Variants in KIAA1958 observed in about 807,000 individuals in gnomAD.
KIAA1958 encodes the protein uncharacterized protein KIAA1958.
Under a neutral mutation model 47.2 loss-of-function variants are expected in KIAA1958, and 14 were observed. The ratio of observed to expected loss-of-function variants is 0.30; its 90% CI spans 0.20 to 0.46. KIAA1958 has a LOEUF of 0.46. Among genes scored for constraint, KIAA1958 ranks in the 20% least tolerant of loss-of-function variants. KIAA1958 has a pLI of 1.00. For synonymous variants in KIAA1958, 354 were observed against 353.3 expected (o/e 1.00, Z -0.02); for missense variants, 803 against 909.2 (o/e 0.88, Z 1.50).
intron 1 of KIAA1958, among the ~76,000 whole-genome samples, chr9:112,507,107 A>AGG (rs1229874426): frequency 6.0e-5 from 9 of 150,396 alleles, no homozygotes; most frequent in Non-Finnish European, 1.0e-4. Context: ...GGTAGAGGGA[A>AGG]GGAGGCCATA....
intron 1 of KIAA1958, among the ~76,000 whole-genome samples, chr9:112,541,052 A>T: frequency 6.6e-6 from 1 of 151,794 alleles, no homozygotes; most frequent in East Asian, 1.9e-4. Context: ...ATTAATTTTG[A>T]TGTGGTTTCT....
chr9:112,494,856 TCTTATTGTACATC>T (rs1158297579), intron 1 of KIAA1958, among the ~76,000 whole-genome samples: 18 of 152,252 alleles, frequency 1.2e-4, no homozygotes, highest in Non-Finnish European at 1.3e-4. Flanking sequence ...CTTTGTCATT[TCTTATTGTACATC>T]CTCTTGTTAT....
At chr9:112,520,990 C>G (rs1260751590) in intron 1 of KIAA1958, among the ~76,000 whole-genome samples, 1 of 151,852 alleles carries the variant, frequency 6.6e-6, no homozygotes, top group Non-Finnish European at 1.5e-5. Flanking sequence ...TTTTCTATTT[C>G]TTTAATTTCT....
chr9:112,589,992 C>T (rs1218445244), intron 2 of KIAA1958, among the ~76,000 whole-genome samples: 1 of 152,154 alleles, frequency 6.6e-6, no homozygotes, highest in African/African-American at 2.4e-5. Context: ...CCAGTTGTCC[C>T]TGAGCCCGGA....
At position 112,660,711 on chromosome 9, in the gene KIAA1958, C is replaced by G. The variant is rs1837263505; in HGVS notation, c.*642C>G. On this transcript the variant is annotated 3_prime_UTR_variant, in exon 4 of 4. Coordinates refer to ENST00000337530, the MANE Select transcript of KIAA1958 (RefSeq NM_133465.4). Reference sequence around the variant, plus strand: ...GCGGTAGGAACCCCATCTCGGCTGTCAATGGAGAGAATTTTATGATAAAAG... The same window carrying G: ...GCGGTAGGAACCCCATCTCGGCTGTGAATGGAGAGAATTTTATGATAAAAG... 6.6e-6 allele frequency: 1 copy of G among 152,460 alleles called. No homozygotes were observed. Among genetic ancestry groups the G allele is most frequent in the Non-Finnish European group, 1.5e-5 (1 of 68,300 alleles). 9.4% of individuals were successfully genotyped at this position (152,460 alleles called of 1,614,324 possible).
chr9:112,611,047 A>C (rs1003046655), intron 2 of KIAA1958, among the ~76,000 whole-genome samples: 1 of 152,214 alleles, frequency 6.6e-6, no homozygotes, highest in Admixed American at 6.5e-5. Flanking sequence ...CCTTATTAAA[A>C]TATGAATAGG....
intron 1 of KIAA1958, among the ~76,000 whole-genome samples, chr9:112,505,609 T>G (rs1834220736): frequency 6.6e-6 from 1 of 152,252 alleles, no homozygotes. Context: ...ATTTTAAAAC[T>G]AATAACTTTA....
At chr9:112,572,535 A>G (rs556307272) in intron 1 of KIAA1958, among the ~76,000 whole-genome samples, 1 of 152,224 alleles carries the variant, frequency 6.6e-6, no homozygotes, top group Non-Finnish European at 1.5e-5. Context: ...AGCAAAGGCA[A>G]ATCCCTTGAG....
chr9:112,497,400 A>G (rs1834064246), intron 1 of KIAA1958, among the ~76,000 whole-genome samples: 1 of 152,170 alleles, frequency 6.6e-6, no homozygotes, highest in African/African-American at 2.4e-5. Flanking sequence ...ATAGGGGAAA[A>G]AACTCTGTGA....
intron 2 of KIAA1958, among the ~76,000 whole-genome samples, chr9:112,583,798 A>G (rs1374672739): frequency 6.6e-6 from 1 of 152,182 alleles, no homozygotes; most frequent in Non-Finnish European, 1.5e-5. Flanking sequence ...CTGGAAGGAG[A>G]CACCCCAGAT....
intron 1 of KIAA1958, among the ~76,000 whole-genome samples, chr9:112,519,637 T>C (rs1162197690): frequency 6.6e-6 from 1 of 152,128 alleles, no homozygotes; most frequent in African/African-American, 2.4e-5. Context: ...AACTAATAAT[T>C]ATAGTGTAAG....
chr9:112,599,620 T>A (rs901819856), intron 2 of KIAA1958, among the ~76,000 whole-genome samples: 1 of 152,240 alleles, frequency 6.6e-6, no homozygotes, highest in Non-Finnish European at 1.5e-5. Context: ...GAGAGCCATA[T>A]GTGCAAAGCT....
chr9:112,579,922 A>G, intron 2 of KIAA1958, among the ~76,000 whole-genome samples: 1 of 152,250 alleles, frequency 6.6e-6, no homozygotes, highest in South Asian at 2.1e-4. Context: ...GCTTTCACTC[A>G]GGCTCAGACA....
chr9:112,608,453 C>G (rs542205893), intron 2 of KIAA1958, among the ~76,000 whole-genome samples: 1 of 152,222 alleles, frequency 6.6e-6, no homozygotes, highest in South Asian at 2.1e-4. Context: ...TATATTAATT[C>G]TGACATTTTT....
At chr9:112,487,430 G>A (rs1393104575) in intron 1 of KIAA1958, among the ~76,000 whole-genome samples, 3 of 152,064 alleles carry the variant, frequency 2.0e-5, no homozygotes, top group South Asian at 2.1e-4. Context: ...TCTCAGCGGC[G>A]GCTGCAGGCG....
chr9:112,499,496 AAT>A (rs1278408624), intron 1 of KIAA1958, among the ~76,000 whole-genome samples: 7 of 152,116 alleles, frequency 4.6e-5, no homozygotes, highest in Non-Finnish European at 1.5e-5. Context: ...GAATTTTGTT[AAT>A]GAGTATGAAT....
At chr9:112,592,902 T>G (rs1373725834) in intron 2 of KIAA1958, among the ~76,000 whole-genome samples, 5 of 152,184 alleles carry the variant, frequency 3.3e-5, no homozygotes, top group Non-Finnish European at 7.4e-5. Flanking sequence ...TGGGCTTGTG[T>G]CAATTTTGCT....
At chr9:112,622,068 AT>A (rs2131220364) in intron 2 of KIAA1958, among the ~76,000 whole-genome samples, 1 of 152,284 alleles carries the variant, frequency 6.6e-6, no homozygotes, top group African/African-American at 2.4e-5. Flanking sequence ...TCTAAATTTT[AT>A]TTTTATCTAA....
intron 2 of KIAA1958, among the ~76,000 whole-genome samples, chr9:112,612,256 A>C (rs567586720): frequency 2.6e-5 from 4 of 152,082 alleles, no homozygotes; most frequent in Admixed American, 1.3e-4. Flanking sequence ...CAAAAAAAAA[A>C]CATGTATTTT....
Sources: gnomAD v4.1 joint callset for allele counts (sites outside exome capture counted in the v4.1 genomes callset) on GRCh38, gnomAD v4.1.1 for gene constraint, MANE v1.5 for transcripts, NCBI Gene and HGNC (gene_info 2026-07-23, HGNC 2026-07-21) for gene names.